The following TRIM24 variants were observed in gnomAD, a reference collection of about 807,000 sequenced individuals.
TRIM24 encodes the protein tripartite motif containing 24.
TRIM24 carries 29 observed loss-of-function variants against 123.9 expected under a neutral mutation model. The observed-to-expected ratio is 0.23, with a 90% confidence interval of 0.17 to 0.32. The LOEUF (loss-of-function observed/expected upper bound fraction) is 0.32, where lower values mean the gene tolerates loss of function less well. Ranked by LOEUF, TRIM24 falls within the 10% of genes least tolerant of loss-of-function variation. The probability of loss-of-function intolerance (pLI) is 1.00; values close to 1 mark genes in which losing one functional copy is unlikely to be tolerated. For missense variants in TRIM24, 932 were observed against 1,295.3 expected, an observed-to-expected ratio of 0.72 and a Z score of 4.31; for synonymous variants, 456 against 461.1, an observed-to-expected ratio of 0.99 and a Z score of 0.14.
At chr7:138,555,089 A>G in intron 9 of TRIM24, 123 bp downstream of exon 9, 1 of 1,028,412 alleles carries the variant, frequency 9.7e-7, no homozygotes, top group Non-Finnish European at 1.4e-6. Flanking sequence ...AAAATTTATC[A>G]CATTAAGGAT....
At chr7:138,462,829 C>T (rs1355206954) in intron 1 of TRIM24, among the ~76,000 whole-genome samples, 1 of 151,902 alleles carries the variant, frequency 6.6e-6, no homozygotes, top group Admixed American at 6.6e-5. Flanking sequence ...CTGGAAAGTT[C>T]GAACAGGTGA....
chr7:138,537,842 C>G (rs1796925859), intron 6 of TRIM24, among the ~76,000 whole-genome samples: 1 of 152,104 alleles, frequency 6.6e-6, no homozygotes, highest in Admixed American at 6.6e-5. Context: ...GAATGTAAGT[C>G]CATGTTGTAG....
At chr7:138,481,115 C>T (rs1167322439) in intron 1 of TRIM24, among the ~76,000 whole-genome samples, 1 of 152,150 alleles carries the variant, frequency 6.6e-6, no homozygotes, top group African/African-American at 2.4e-5. Context: ...GCCTCAGCCT[C>T]CCGAGTAGTA....
chr7:138,482,911 T>C (rs781471002), intron 1 of TRIM24, among the ~76,000 whole-genome samples: 10 of 150,746 alleles, frequency 6.6e-5, no homozygotes, highest in South Asian at 2.1e-4. Flanking sequence ...ATATGTTTTA[T>C]GTCTTAATTT....
At position 138,466,463 on chromosome 7, in the gene TRIM24, C is replaced by CTTTTTTTTTTTTT. The variant is rs577317171; in HGVS notation, c.364+5557_364+5569dup. 2.2e-3 allele frequency among the ~76,000 whole-genome samples: 165 copies of CTTTTTTTTTTTTT among 74,056 alleles called. 29 individuals carry two copies. Among genetic ancestry groups the CTTTTTTTTTTTTT allele is most frequent in the Non-Finnish European group, 2.9e-3 (120 of 41,768 alleles). 48.6% of individuals were successfully genotyped at this position (74,056 alleles called of 152,430 possible). On this transcript the variant is annotated intron_variant, in intron 1 of 18. Coordinates refer to ENST00000343526, the MANE Select transcript of TRIM24 (RefSeq NM_015905.3). ...TTTGCAAATTTCAAAACTTAAGTTG[C>CTTTTTTTTTTTTT]TTTTTTTTTTTTTTTTTTGGAGACA...
chr7:138,585,008 T>C lies in TRIM24; in HGVS notation c.*57T>C, dbSNP rs954817009. On this transcript the variant is annotated 3_prime_UTR_variant, in exon 19 of 19. Transcript: ENST00000343526. ...AGATTTTTTTGTTTTCAAAAAAACA[T>C]TTGTCAGTAATTTAACATCACTACA... 3 of 1,454,248 alleles carry C rather than the reference T, an allele frequency of 2.1e-6. No individual in the cohort carries two copies. Among genetic ancestry groups the C allele is most frequent in the Non-Finnish European group, 2.8e-6 (3 of 1,069,118 alleles). The allele number at this position is 1,454,248 out of a possible 1,614,324, so 90.1% of individuals were successfully genotyped here. A position where few individuals can be genotyped will look rare whatever the true frequency, so the allele number is the denominator to read the frequency against.
At chr7:138,530,159 A>AG (rs1236107796) in intron 6 of TRIM24, among the ~76,000 whole-genome samples, 6 of 152,080 alleles carry the variant, frequency 3.9e-5, no homozygotes, top group African/African-American at 1.4e-4. Flanking sequence ...TTATTTAGTG[A>AG]GGAAGTATTC....
At chr7:138,528,275 C>T (rs1276339018) in intron 5 of TRIM24, among the ~76,000 whole-genome samples, 1 of 152,146 alleles carries the variant, frequency 6.6e-6, no homozygotes, top group Non-Finnish European at 1.5e-5. Flanking sequence ...AATCTATAAA[C>T]TCATAAGTTT....
intron 9 of TRIM24, among the ~76,000 whole-genome samples, chr7:138,566,682 A>G (rs1313350977): frequency 6.6e-6 from 1 of 152,120 alleles, no homozygotes; most frequent in Non-Finnish European, 1.5e-5. Context: ...CTTTTTTCAA[A>G]TTATGTTTTC....
chr7:138,572,077 ACTT>A (rs1322272019), intron 11 of TRIM24, among the ~76,000 whole-genome samples: 1 of 152,204 alleles, frequency 6.6e-6, no homozygotes, highest in Non-Finnish European at 1.5e-5. Flanking sequence ...TGTGAAAATA[ACTT>A]TTTTATTTTC....
intron 6 of TRIM24, among the ~76,000 whole-genome samples, chr7:138,532,889 T>C (rs1796778846): frequency 6.6e-6 from 1 of 152,210 alleles, no homozygotes; most frequent in African/African-American, 2.4e-5. Flanking sequence ...TTTATTTTGT[T>C]GAGCAGTGGT....
rs761642011 is a variant in TRIM24, at chr7:138,570,879, C to T, written c.1754C>T (p.Ser585Phe). The T allele has an allele frequency of 2.5e-6, 4 of 1,614,108 alleles. No individual in the cohort carries two copies. The South Asian group carries it at 4.4e-5, about 18-fold the overall frequency. Reference sequence around the variant, plus strand: ...ACCCCATCAACTACCAACAGCACATCCTCTACTCCTTCCAGCCCCACGATT... The same window carrying T: ...ACCCCATCAACTACCAACAGCACATTCTCTACTCCTTCCAGCCCCACGATT... ...QGTPSTTNST[S>F]STPSSPTITS... The change falls in exon 11 of 19, where the codon TCC becomes TTC. Residue 585 changes from serine to phenylalanine, a missense_variant. Around this residue, in one of 7 missense-constraint regions of TRIM24, gnomAD observed 527 missense variants for 691.3 expected, o/e 0.76. Coordinates refer to ENST00000343526, the MANE Select transcript of TRIM24 (RefSeq NM_015905.3).
At chr7:138,572,790 G>C (rs1797684328) in intron 11 of TRIM24, among the ~76,000 whole-genome samples, 1 of 152,192 alleles carries the variant, frequency 6.6e-6, no homozygotes, top group Non-Finnish European at 1.5e-5. Flanking sequence ...AGGCATGAAA[G>C]AATTTTTGTG....
At chr7:138,502,752 G>C (rs1379161052) in intron 1 of TRIM24, among the ~76,000 whole-genome samples, 1 of 152,136 alleles carries the variant, frequency 6.6e-6, no homozygotes, top group African/African-American at 2.4e-5. Flanking sequence ...CAGATTTTAA[G>C]TATTAATTCT....
At chr7:138,474,752 G>A (rs1459871823) in intron 1 of TRIM24, among the ~76,000 whole-genome samples, 1 of 152,136 alleles carries the variant, frequency 6.6e-6, no homozygotes, top group Non-Finnish European at 1.5e-5. Flanking sequence ...TCAGTTGTCC[G>A]TGCATGTCTG....
chr7:138,460,725 C>T lies in TRIM24; in HGVS notation c.177C>T (p.Cys59=). ...RLNLLDTCAV[C]HQNIQSRAPK... ...ACCTGTTGGACACTTGCGCCGTGTG[C>T]CACCAGAACATCCAGAGCCGGGCGC... Residue 59 remains cysteine (C), a synonymous_variant, in exon 1 of 19, where the codon TGC becomes TGT. Coordinates refer to ENST00000343526, the MANE Select transcript of TRIM24 (RefSeq NM_015905.3). 1 of 1,572,964 alleles carries T rather than the reference C, an allele frequency of 6.4e-7. No individual in the cohort carries two copies. The highest frequency in any genetic ancestry group is 8.6e-7 in the Non-Finnish European group (1 of 1,163,030).
chr7:138,585,138 G>A lies in TRIM24; in HGVS notation c.*187G>A. 16 of 411,054 alleles carry A rather than the reference G, an allele frequency of 3.9e-5. No homozygotes were observed. Among genetic ancestry groups the A allele is most frequent in the South Asian group, 7.7e-5 (1 of 12,942 alleles). The allele number at this position is 411,054 out of a possible 1,614,324, so 25.5% of individuals were successfully genotyped here. On this transcript the variant is annotated 3_prime_UTR_variant, in exon 19 of 19. Coordinates refer to ENST00000343526, the MANE Select transcript of TRIM24 (RefSeq NM_015905.3). Reference sequence around the variant, plus strand: ...TAACCTCTTATCACTAAGAAAGAAAGGAAAGAAGGAGATGAATAGAAGAAA... The same window carrying A: ...TAACCTCTTATCACTAAGAAAGAAAAGAAAGAAGGAGATGAATAGAAGAAA...
At chr7:138,504,184 A>T in intron 1 of TRIM24, 106 bp from the exon 2 acceptor site, 1 of 634,800 alleles carries the variant, frequency 1.6e-6, no homozygotes, top group African/African-American at 1.9e-5. Context: ...GTATGAATTT[A>T]AAAAGAATGG....
intron 1 of TRIM24, among the ~76,000 whole-genome samples, chr7:138,498,027 T>C (rs1341369778): frequency 2.0e-5 from 3 of 150,750 alleles, no homozygotes; most frequent in South Asian, 4.2e-4. Flanking sequence ...TTTACTTATT[T>C]ATTTATTTTT....
Sources: gnomAD v4.1 joint callset for allele counts (sites outside exome capture counted in the v4.1 genomes callset) on GRCh38, gnomAD v4.1.1 for gene constraint, gnomAD v4.1.1 regional missense constraint, MANE v1.5 for transcripts, NCBI Gene and HGNC (gene_info 2026-07-23, HGNC 2026-07-21) for gene names.